The following SPAG17 variants were observed in gnomAD, a reference collection of about 807,000 sequenced individuals.
SPAG17 encodes the protein sperm associated antigen 17.
SPAG17 carries 169 observed loss-of-function variants against 273.6 expected under a neutral mutation model. The ratio of observed to expected loss-of-function variants is 0.62; its 90% CI spans 0.55 to 0.70. The LOEUF (loss-of-function observed/expected upper bound fraction) is 0.70. Ranked by LOEUF, SPAG17 falls within the 30% of genes least tolerant of loss-of-function variation. The pLI, the probability that SPAG17 is intolerant of heterozygous loss-of-function variation, is 0.00. For missense variants in SPAG17, 2,557 were observed against 2,627.8 expected, an observed-to-expected ratio of 0.97 and a Z score of 0.59; for synonymous variants, 825 against 873.2, an observed-to-expected ratio of 0.94 and a Z score of 0.97.
intron 21 of SPAG17, among the ~76,000 whole-genome samples, chr1:118,041,337 A>AT (rs1053716502): frequency 2.5e-4 from 38 of 150,750 alleles, no homozygotes; most frequent in South Asian, 6.3e-4. Flanking sequence ...ATTTCTTTCC[A>AT]TTTTTTTTTC....
At chr1:117,957,174 C>T (rs972268632) in intron 48 of SPAG17, 7 of 1,611,414 alleles carry the variant, frequency 4.3e-6, no homozygotes, top group East Asian at 4.5e-5. Flanking sequence ...ACTTATATGC[C>T]GGTGCCTCTT....
chr1:118,153,755 A>G (rs1317979911), intron 1 of SPAG17, among the ~76,000 whole-genome samples: 2 of 152,124 alleles, frequency 1.3e-5, no homozygotes, highest in African/African-American at 4.8e-5. Flanking sequence ...AGGCTGAGGC[A>G]GGAGAATGGC....
chr1:117,959,025 T>C, intron 48 of SPAG17: 1 of 1,609,092 alleles, frequency 6.2e-7, no homozygotes, highest in South Asian at 1.1e-5. Flanking sequence ...TGTATAGAGA[T>C]AAAATAATGA....
chr1:118,143,396 G>A (rs905137739), intron 3 of SPAG17, among the ~76,000 whole-genome samples: 3 of 152,096 alleles, frequency 2.0e-5, no homozygotes, highest in Non-Finnish European at 4.4e-5. Flanking sequence ...TATCTGAAAG[G>A]TTGTTAAGAT....
intron 4 of SPAG17, among the ~76,000 whole-genome samples, chr1:118,103,817 C>CACATGAGA (rs1204105255): frequency 1.5e-5 from 2 of 130,382 alleles, no homozygotes; most frequent in Non-Finnish European, 3.3e-5. Context: ...AAGAGTCATA[C>CACATGAGA]ACATGAGAAG....
chr1:117,971,693 G>A (rs1241904890), intron 45 of SPAG17, 170 bp downstream of exon 45: 2 of 498,558 alleles, frequency 4.0e-6, no homozygotes, highest in South Asian at 4.8e-5. Flanking sequence ...TCACTGATTT[G>A]TTGATGAATG....
chr1:118,082,967 T>G (rs985671368), intron 13 of SPAG17, among the ~76,000 whole-genome samples: 3 of 152,144 alleles, frequency 2.0e-5, no homozygotes, highest in African/African-American at 7.2e-5. Context: ...AGGTGATGGC[T>G]CAAAAAGTAG....
At chr1:118,097,989 T>C in intron 6 of SPAG17, 138 bp from the exon 7 acceptor site, 1 of 497,856 alleles carries the variant, frequency 2.0e-6, no homozygotes, top group Non-Finnish European at 3.2e-6. Flanking sequence ...GTAATTTTGA[T>C]AAATTTTTGA....
Position 118,012,284 on chromosome 1 carries a change from G to C in SPAG17, c.4376C>G (p.Thr1459Arg). ...IVDHADGTRI[T>R]TFYQVYEDQI... The stretch of plus-strand genomic sequence containing the variant: ...ATCTTCATAAACTTGATAAAAGGTT[G>C]TGATTCTGGTACCATCAGCATGATC... The change falls in exon 30 of 49, where the codon ACA (threonine) becomes AGA (arginine). Residue 1459 changes from threonine (T) to arginine (R), a missense_variant. Coordinates refer to ENST00000336338, the MANE Select transcript of SPAG17 (RefSeq NM_206996.4). The C allele has an allele frequency of 6.2e-7, 1 of 1,613,590 alleles. No individual in the cohort carries two copies. Among genetic ancestry groups the C allele is most frequent in the Non-Finnish European group, 8.5e-7 (1 of 1,179,648 alleles).
chr1:118,155,565 C>T (rs974660431), intron 1 of SPAG17, among the ~76,000 whole-genome samples: 6 of 152,054 alleles, frequency 3.9e-5, no homozygotes, highest in Admixed American at 3.3e-4. Context: ...CTGAAGGACT[C>T]GAGATGAGAG....
At chr1:118,049,847 G>A (rs960762625) in intron 20 of SPAG17, among the ~76,000 whole-genome samples, 2 of 152,146 alleles carry the variant, frequency 1.3e-5, no homozygotes, top group Admixed American at 6.5e-5. Context: ...TCAGGTGATG[G>A]CCAGGCAGTT....
intron 4 of SPAG17, among the ~76,000 whole-genome samples, chr1:118,109,640 A>T (rs1656639666): frequency 6.6e-6 from 1 of 151,646 alleles, no homozygotes; most frequent in South Asian, 2.1e-4. Context: ...TTATAATAAG[A>T]TCCTCAGAAT....
At chr1:118,074,632 G>GTTCT in intron 15 of SPAG17, 32 bp from the exon 16 acceptor site, 1 of 1,601,658 alleles carries the variant, frequency 6.2e-7, no homozygotes, top group Non-Finnish European at 8.6e-7. Flanking sequence ...ATCCAGTTGT[G>GTTCT]TTCTGGCTTT....
chr1:118,093,742 G>C (rs1299347341), intron 7 of SPAG17, among the ~76,000 whole-genome samples: 3 of 152,196 alleles, frequency 2.0e-5, no homozygotes, highest in Non-Finnish European at 2.9e-5. Context: ...TGGAAACACT[G>C]ACTCTGCTTT....
intron 3 of SPAG17, among the ~76,000 whole-genome samples, chr1:118,120,242 C>A (rs1657343392): frequency 1.3e-5 from 2 of 151,614 alleles, no homozygotes; most frequent in Admixed American, 1.3e-4. Flanking sequence ...AGCCACTAAA[C>A]CACATGTGAC....
intron 38 of SPAG17, among the ~76,000 whole-genome samples, chr1:117,989,037 C>T (rs1656760297): frequency 6.6e-6 from 1 of 152,142 alleles, no homozygotes; most frequent in South Asian, 2.1e-4. Flanking sequence ...TTTGTTGTGC[C>T]TGTTCCTTGT....
intron 43 of SPAG17, among the ~76,000 whole-genome samples, chr1:117,975,170 G>T (rs1341235360): frequency 6.6e-6 from 1 of 152,120 alleles, no homozygotes; most frequent in East Asian, 1.9e-4. Flanking sequence ...TGTAGGAGAG[G>T]ATAAAACCAA....
intron 31 of SPAG17, among the ~76,000 whole-genome samples, chr1:118,006,538 G>C (rs1316002703): frequency 5.9e-5 from 9 of 152,154 alleles, no homozygotes; most frequent in African/African-American, 2.2e-4. Context: ...TATTATTAAA[G>C]ATGTTGCTGT....
At chr1:118,102,901 C>G (rs1656158031) in intron 4 of SPAG17, among the ~76,000 whole-genome samples, 1 of 152,186 alleles carries the variant, frequency 6.6e-6, no homozygotes, top group South Asian at 2.1e-4. Flanking sequence ...GTTAAGGGCT[C>G]TTAGCTTTGG....
Sources: allele counts gnomAD v4.1 joint callset (sites outside exome capture counted in the v4.1 genomes callset), GRCh38; gene constraint gnomAD v4.1.1; transcripts MANE v1.5; gene names NCBI Gene and HGNC (gene_info 2026-07-23, HGNC 2026-07-21).